The following CACUL1 variants were observed in gnomAD, a reference collection of about 807,000 sequenced individuals.
The protein encoded by CACUL1 is CDK2 associated cullin domain 1.
Under a neutral mutation model 45.2 loss-of-function variants are expected in CACUL1, and 13 were observed. The ratio of observed to expected loss-of-function variants is 0.29; its 90% CI spans 0.19 to 0.46. The LOEUF is 0.46. Ranked by LOEUF, CACUL1 falls within the 20% of genes least tolerant of loss-of-function variation. The probability of loss-of-function intolerance (pLI) is 1.00; values close to 1 mark genes in which losing one functional copy is unlikely to be tolerated. For synonymous variants in CACUL1, 197 were observed against 174.2 expected (o/e 1.13, Z -1.03); for missense variants, 421 against 471.4 (o/e 0.89, Z 0.99).
chr10:118,698,577 C>G (rs1406780827), intron 5 of CACUL1, among the ~76,000 whole-genome samples: 1 of 152,172 alleles, frequency 6.6e-6, no homozygotes, highest in African/African-American at 2.4e-5. Flanking sequence ...CCAGCAATTT[C>G]CATTTCCTGT....
In CACUL1 at chr10:118,754,491, A is replaced by G. The variant is rs1845934122; in HGVS notation, c.272T>C (p.Leu91Ser). The G allele has an allele frequency of 6.2e-7, 1 of 1,612,816 alleles. No homozygotes were observed. Among genetic ancestry groups the G allele is most frequent in the Non-Finnish European group, 8.5e-7 (1 of 1,179,482 alleles). ...GGCGGCGGCCGCGTCGCAGCTCTTC[A>G]ACATCATGATCACCCCATTAGCCTC... ...PPEANGVIMM[L>S]KSCDAAAAVA... is the part of the protein sequence containing the mutation. The change falls in exon 1 of 9, where the codon TTG becomes TCG. Residue 91 changes from leucine (L) to serine (S), a missense_variant. Around this residue, in one of 2 missense-constraint regions of CACUL1, gnomAD observed 213 missense variants for 173.1 expected, o/e 1.23. Transcript: ENST00000369151.
intron 6 of CACUL1, chr10:118,692,475 T>TA (rs1189653723): frequency 6.6e-6 from 1 of 152,116 alleles, no homozygotes; most frequent in Admixed American, 6.5e-5. Context: ...TGTTAATATT[T>TA]AAAAAAATTC....
At chr10:118,701,277 A>G (rs1292606709) in intron 5 of CACUL1, 29 bp downstream of exon 5, 1 of 1,232,128 alleles carries the variant, frequency 8.1e-7, no homozygotes, top group Non-Finnish European at 1.1e-6. Flanking sequence ...TGCTAGTGTT[A>G]TCTCACCCGT....
At chr10:118,708,246 G>C (rs762024119) in intron 3 of CACUL1, among the ~76,000 whole-genome samples, 1 of 149,962 alleles carries the variant, frequency 6.7e-6, no homozygotes, top group Admixed American at 6.6e-5. Context: ...AACTATATTT[G>C]AACCTGGAAT....
chr10:118,686,429 A>G (rs1327048115), intron 8 of CACUL1, among the ~76,000 whole-genome samples, 169 bp downstream of exon 8: 2 of 152,172 alleles, frequency 1.3e-5, no homozygotes, highest in African/African-American at 4.8e-5. Context: ...AACCATCGCT[A>G]CCAGCTGGAG....
chr10:118,738,892 T>TAAAAAAAAAAAAAA lies in CACUL1; in HGVS notation c.368-8496_368-8483dup, dbSNP rs150393133. On this transcript the variant is annotated intron_variant, in intron 1 of 8. Transcript: ENST00000369151. The stretch of plus-strand genomic sequence containing the variant: ...AAAAAAGAAGTAATCCAAGTGCTCT[T>TAAAAAAAAAAAAAA]AAAAAAAAAAAAAAAAAAAAAAAGC... Among the ~76,000 whole-genome samples the TAAAAAAAAAAAAAA allele has an allele frequency of 5.9e-4, 37 of 62,256 alleles. 1 individual carries two copies. The highest frequency in any genetic ancestry group is 2.1e-3 in the African/African-American group (34 of 16,162). The allele number at this position is 62,256 out of a possible 152,430, so 40.8% of individuals were successfully genotyped here. A position where few individuals can be genotyped will look rare whatever the true frequency, so the allele number is the denominator to read the frequency against.
intron 3 of CACUL1, among the ~76,000 whole-genome samples, chr10:118,709,811 T>C (rs1464093337): frequency 2.0e-5 from 3 of 152,238 alleles, no homozygotes; most frequent in East Asian, 1.9e-4. Context: ...CTTATATATA[T>C]GTAAAGAATT....
At chr10:118,706,718 G>C (rs1231370150) in intron 4 of CACUL1, among the ~76,000 whole-genome samples, 2 of 152,182 alleles carry the variant, frequency 1.3e-5, no homozygotes, top group Non-Finnish European at 2.9e-5. Flanking sequence ...ATTGTTGTCA[G>C]TAACCAAGAA....
rs1458822791 is a variant in CACUL1 at position 118,680,066 on chromosome 10, T to C, written c.*6062A>G. The C allele has an allele frequency of 1.3e-5, 2 of 151,876 alleles. No individual in the cohort carries two copies. Among genetic ancestry groups the C allele is most frequent in the Admixed American group, 1.3e-4 (2 of 15,256 alleles). The allele number at this position is 151,876 out of a possible 1,614,324, so 9.4% of individuals were successfully genotyped here. A position where few individuals can be genotyped will look rare whatever the true frequency, so the allele number is the denominator to read the frequency against. On this transcript the variant is annotated 3_prime_UTR_variant, in exon 9 of 9. Coordinates refer to ENST00000369151, the MANE Select transcript of CACUL1 (RefSeq NM_153810.5). ...AGAGGGCTTAATAAAGGAAAACAGA[T>C]TAAAAAAAAAACCTACTCAAGACTA...
intron 5 of CACUL1, among the ~76,000 whole-genome samples, chr10:118,697,196 C>T (rs1228052636): frequency 6.6e-6 from 1 of 152,152 alleles, no homozygotes; most frequent in Non-Finnish European, 1.5e-5. Flanking sequence ...GTGCTACGTA[C>T]TTTACATATA....
At position 118,695,197 on chromosome 10, in the gene CACUL1, T is replaced by C. The variant is rs757006988; in HGVS notation, c.830A>G (p.Gln277Arg). 1.2e-6 allele frequency: 2 copies of C among 1,608,064 alleles called. No individual in the cohort carries two copies. The highest frequency in any genetic ancestry group is 2.7e-5 in the African/African-American group (2 of 74,794). Residue 277 changes from glutamine to arginine, a missense_variant, in exon 6 of 9, where the codon CAG becomes CGG. By Grantham distance (43) the Gln-to-Arg change is conservative. Coordinates refer to ENST00000369151, the MANE Select transcript of CACUL1 (RefSeq NM_153810.5). ...ATTTGCCATAGTTGAAGGTGTGACC[T>C]GAAATGGTGTTGACTGGGCTTCTAA... ...LLLEAQSTPFQVTPSTMANIV... is the reference protein window; with the variant it reads ...LLLEAQSTPFRVTPSTMANIV...
chr10:118,723,263 C>T (rs1484057913), intron 3 of CACUL1, among the ~76,000 whole-genome samples: 16 of 151,736 alleles, frequency 1.1e-4, no homozygotes, highest in Non-Finnish European at 2.4e-4. Flanking sequence ...TGTTTTTTTA[C>T]TACAGACTGT....
intron 3 of CACUL1, among the ~76,000 whole-genome samples, chr10:118,710,988 A>C (rs1308227727): frequency 6.6e-6 from 1 of 152,216 alleles, no homozygotes. Flanking sequence ...GTGTGTTTTG[A>C]AAATGTCAAG....
Position 118,680,119 on chromosome 10 carries a change from T to C in CACUL1, c.*6009A>G, listed in dbSNP as rs1167846830. The C allele has an allele frequency of 6.6e-6, 1 of 152,064 alleles. No homozygotes were observed. Among genetic ancestry groups the C allele is most frequent in the African/African-American group, 2.4e-5 (1 of 41,392 alleles). The allele number at this position is 152,064 out of a possible 1,614,324, so 9.4% of individuals were successfully genotyped here. On this transcript the variant is annotated 3_prime_UTR_variant, in exon 9 of 9. Transcript: ENST00000369151. ...GCTAGTTAAGCTAGTTGCTCTCAGG[T>C]TCTATTAATATGTGTGATATTCATT... is the stretch of plus-strand genomic sequence containing the variant.
At chr10:118,698,349 G>T (rs902685063) in intron 5 of CACUL1, among the ~76,000 whole-genome samples, 2 of 152,028 alleles carry the variant, frequency 1.3e-5, no homozygotes, top group Non-Finnish European at 2.9e-5. Context: ...TCACCATGTT[G>T]ACCAGGCTGG....
intron 3 of CACUL1, among the ~76,000 whole-genome samples, chr10:118,728,714 C>T (rs771416273): frequency 6.6e-6 from 1 of 152,184 alleles, no homozygotes. Context: ...TTTGCACCAA[C>T]TTAATAATAC....
chr10:118,720,747 T>C (rs1479841183), intron 3 of CACUL1, among the ~76,000 whole-genome samples: 5 of 152,230 alleles, frequency 3.3e-5, no homozygotes, highest in Admixed American at 2.6e-4. Flanking sequence ...TGTTAAGTCC[T>C]ATGAAGGCAC....
intron 1 of CACUL1, among the ~76,000 whole-genome samples, chr10:118,745,380 G>C (rs533255577): frequency 3.1e-4 from 47 of 152,150 alleles, no homozygotes; most frequent in African/African-American, 1.1e-3. Flanking sequence ...TGGCCAACAC[G>C]GCGAAACCTC....
At chr10:118,737,514 C>A (rs1564838084) in intron 1 of CACUL1, among the ~76,000 whole-genome samples, 1 of 152,106 alleles carries the variant, frequency 6.6e-6, no homozygotes, top group Non-Finnish European at 1.5e-5. Flanking sequence ...TTATAACATA[C>A]CAGCCGTATA....
Sources: allele counts gnomAD v4.1 joint callset (sites outside exome capture counted in the v4.1 genomes callset), GRCh38; gene constraint gnomAD v4.1.1; regional missense constraint gnomAD v4.1.1; transcripts MANE v1.5; gene names NCBI Gene and HGNC (gene_info 2026-07-23, HGNC 2026-07-21).